The following MYO1E variants were observed in gnomAD, a reference collection of about 807,000 sequenced individuals.
MYO1E encodes myosin IE.
Under a neutral mutation model 151.1 loss-of-function variants are expected in MYO1E, and 68 were observed. That is an observed-to-expected ratio of 0.45 (90% CI 0.37 to 0.55). The LOEUF is 0.55. Among genes scored for constraint, MYO1E ranks in the 20% least tolerant of loss-of-function variants. The pLI is 0.00. For synonymous variants in MYO1E, 601 were observed against 501.7 expected (o/e 1.20, Z -2.64); for missense variants, 1,363 against 1,389.3 (o/e 0.98, Z 0.30).
intron 25 of MYO1E, among the ~76,000 whole-genome samples, chr15:59,156,752 A>C (rs867294530): frequency 6.6e-6 from 1 of 152,236 alleles, no homozygotes; most frequent in African/African-American, 2.4e-5. Flanking sequence ...TAAACTGCTT[A>C]ATACCAAACA....
At chr15:59,200,223 C>G (rs1230193316) in intron 16 of MYO1E, among the ~76,000 whole-genome samples, 1 of 152,150 alleles carries the variant, frequency 6.6e-6, no homozygotes, top group Non-Finnish European at 1.5e-5. Flanking sequence ...TCATCATAAC[C>G]TGGATGATCT....
At chr15:59,298,219 T>G (rs563246612) in intron 1 of MYO1E, among the ~76,000 whole-genome samples, 1 of 152,328 alleles carries the variant, frequency 6.6e-6, no homozygotes, top group Admixed American at 6.5e-5. Flanking sequence ...AAAATTTACA[T>G]TTACAAATCT....
intron 24 of MYO1E, 68 bp from the exon 25 acceptor site, chr15:59,158,447 G>A: frequency 3.9e-6 from 5 of 1,276,328 alleles, no homozygotes; most frequent in Non-Finnish European, 5.6e-6. Context: ...ATGGTTCTTT[G>A]CATATGGAAA....
Position 59,159,745 on chromosome 15 carries a change from C to G in MYO1E, c.2785+1328G>C, listed in dbSNP as rs2079527436. 6.6e-6 allele frequency among the ~76,000 whole-genome samples: 1 copy of G among 152,126 alleles called. No individual in the cohort carries two copies. On this transcript the variant is annotated intron_variant, in intron 24 of 27. Coordinates refer to ENST00000288235, the MANE Select transcript of MYO1E (RefSeq NM_004998.4). This position sits in a 1 kb window ranked among gnomAD's most constrained non-coding sequence, Gnocchi z 4.4. ...ATACATCAACATTTTCTGAGTGGCT[C>G]TACATATATAAAGATATGATGGCAT...
At chr15:59,269,932 A>G (rs1429958606) in intron 2 of MYO1E, among the ~76,000 whole-genome samples, 3 of 152,154 alleles carry the variant, frequency 2.0e-5, no homozygotes, top group Non-Finnish European at 2.9e-5. Context: ...CAGAAAGTAA[A>G]TATTTGAGAC....
At chr15:59,282,108 T>G (rs1456713094) in intron 1 of MYO1E, among the ~76,000 whole-genome samples, 1 of 152,226 alleles carries the variant, frequency 6.6e-6, no homozygotes, top group Non-Finnish European at 1.5e-5. Context: ...CTTGTCAATT[T>G]CAAGTCCAGC....
intron 4 of MYO1E, among the ~76,000 whole-genome samples, chr15:59,255,734 TTAAG>T (rs1201063803): frequency 6.6e-6 from 1 of 152,134 alleles, no homozygotes; most frequent in Non-Finnish European, 1.5e-5. Flanking sequence ...TCATAATGTT[TTAAG>T]AAAGTTTACG....
At chr15:59,141,811 A>AT (rs1301309286) in intron 26 of MYO1E, among the ~76,000 whole-genome samples, 2 of 149,158 alleles carry the variant, frequency 1.3e-5, no homozygotes, top group African/African-American at 4.9e-5. Context: ...AAAAAAAAAA[A>AT]AAAAAAAGGC....
chr15:59,193,733 C>T (rs1412364421), intron 17 of MYO1E, among the ~76,000 whole-genome samples: 4 of 152,188 alleles, frequency 2.6e-5, no homozygotes, highest in Non-Finnish European at 4.4e-5. Flanking sequence ...AAGGACTGTA[C>T]AGCCTCCTAA....
chr15:59,225,636 CTTTCT>C (rs1281985108), intron 7 of MYO1E, among the ~76,000 whole-genome samples: 1 of 136,262 alleles, frequency 7.3e-6, no homozygotes, highest in African/African-American at 2.6e-5. Context: ...ATTTCTTTTT[CTTTCT>C]TTTCTTTTCT....
Position 59,178,178 on chromosome 15 carries a change from C to T in MYO1E, c.2049+215G>A, listed in dbSNP as rs75498117. ...TGCCCCTTTTTCTACCTGCTTAGTG[C>T]TCTGCAGGAAATGAACCGGGCAGTG... On this transcript the variant is annotated intron_variant, in intron 19 of 27. Transcript: ENST00000288235. 9.6e-3 allele frequency among the ~76,000 whole-genome samples: 1,461 copies of T among 152,298 alleles called. 36 individuals carry two copies. The highest frequency in any genetic ancestry group is 0.034 in the African/African-American group (1,406 of 41,544).
At chr15:59,199,617 T>C (rs2079788607) in intron 16 of MYO1E, among the ~76,000 whole-genome samples, 1 of 152,156 alleles carries the variant, frequency 6.6e-6, no homozygotes, top group African/African-American at 2.4e-5. Context: ...CTTTTATTTA[T>C]AATCAATATA....
At chr15:59,308,185 T>C (rs1164146732) in intron 1 of MYO1E, among the ~76,000 whole-genome samples, 1 of 127,142 alleles carries the variant, frequency 7.9e-6, no homozygotes, top group Non-Finnish European at 1.6e-5. Context: ...ATCATGCCAC[T>C]GCACTCCAGC....
At chr15:59,359,064 A>C (rs797000129) in intron 1 of MYO1E, among the ~76,000 whole-genome samples, 5 of 152,132 alleles carry the variant, frequency 3.3e-5, no homozygotes, top group African/African-American at 1.2e-4. Flanking sequence ...AATTTCATAG[A>C]CTACCCTGGA....
intron 1 of MYO1E, among the ~76,000 whole-genome samples, chr15:59,355,575 G>T (rs2080848468): frequency 6.6e-6 from 1 of 152,156 alleles, no homozygotes. Context: ...GTTTGACCCT[G>T]CCAGTCTTAG....
intron 4 of MYO1E, among the ~76,000 whole-genome samples, chr15:59,251,161 G>C (rs1439304923): frequency 6.6e-6 from 1 of 152,176 alleles, no homozygotes; most frequent in Admixed American, 6.6e-5. Context: ...GTATCAAACA[G>C]AAGCATTTCC....
chr15:59,213,702 T>A (rs1409255609), intron 12 of MYO1E, among the ~76,000 whole-genome samples: 1 of 139,492 alleles, frequency 7.2e-6, no homozygotes, highest in Non-Finnish European at 1.6e-5. Context: ...CTCAAGCAAT[T>A]CTCCCGACTC....
chr15:59,251,458 A>G (rs1009612342), intron 4 of MYO1E, among the ~76,000 whole-genome samples: 5 of 152,234 alleles, frequency 3.3e-5, no homozygotes, highest in Non-Finnish European at 7.3e-5. Context: ...AAATGCAGTC[A>G]GCGTTACTTG....
At chr15:59,224,539 T>G (rs561655555) in intron 8 of MYO1E, 150 bp downstream of exon 8, 2 of 1,066,340 alleles carry the variant, frequency 1.9e-6, no homozygotes, top group African/African-American at 1.6e-5. Flanking sequence ...TTAAGGATAC[T>G]GAAACATGTA....
Sources: allele counts gnomAD v4.1 joint callset (sites outside exome capture counted in the v4.1 genomes callset), GRCh38; gene constraint gnomAD v4.1.1; non-coding constraint Gnocchi (gnomAD v3.1); transcripts MANE v1.5; gene names NCBI Gene and HGNC (gene_info 2026-07-23, HGNC 2026-07-21).